Variants in NTRK2 observed in about 807,000 individuals in gnomAD.
NTRK2 encodes BDNF/NT-3 growth factors receptor.
Under a neutral mutation model 94.5 loss-of-function variants are expected in NTRK2, and 13 were observed. That is an observed-to-expected ratio of 0.14 (90% CI 0.09 to 0.22). NTRK2 has a LOEUF of 0.22. Among genes scored for constraint, NTRK2 ranks in the 10% least tolerant of loss-of-function variants. The pLI, the probability that NTRK2 is intolerant of heterozygous loss-of-function variation, is 1.00. For synonymous variants in NTRK2, 372 were observed against 407.4 expected (o/e 0.91, Z 1.05); for missense variants, 639 against 1,071.2 (o/e 0.60, Z 5.63).
rs2076507201 is a variant in NTRK2, at chr9:84,888,979, GA to G, written c.1633+21551del. On this transcript the variant is annotated intron_variant, in intron 14 of 18. Transcript: ENST00000277120. ...CTTTCCCCATTATTTATTAATGACA[GA>G]AATTTTTTTTTTTTTTTTTTTTTTT... Among the ~76,000 whole-genome samples, 11 of 90,954 alleles carry G rather than the reference GA, an allele frequency of 1.2e-4. 3 individuals are homozygous for G. The highest frequency in any genetic ancestry group is 3.3e-4 in the East Asian group (1 of 3,060). 59.7% of individuals were successfully genotyped at this position (90,954 alleles called of 152,430 possible). A position where few individuals can be genotyped will look rare whatever the true frequency, so the allele number is the denominator to read the frequency against.
At chr9:84,872,522 T>C (rs2132120228) in intron 14 of NTRK2, 1 of 1,066,426 alleles carries the variant, frequency 9.4e-7, no homozygotes, top group Admixed American at 5.2e-5. Flanking sequence ...TACCTGGATG[T>C]GTTTGTACTT....
intron 12 of NTRK2, among the ~76,000 whole-genome samples, chr9:84,856,499 C>T (rs2075070712): frequency 6.6e-6 from 1 of 152,106 alleles, no homozygotes; most frequent in South Asian, 2.1e-4. Flanking sequence ...TTTTCTCACT[C>T]CAATGAGCAG....
At chr9:84,850,423 A>C (rs1413740628) in intron 12 of NTRK2, among the ~76,000 whole-genome samples, 2 of 152,228 alleles carry the variant, frequency 1.3e-5, no homozygotes, top group African/African-American at 4.8e-5. Flanking sequence ...TATGCAAACT[A>C]ATAGTTTAAC....
intron 4 of NTRK2, 48 bp downstream of exon 4, chr9:84,702,467 T>A: frequency 6.8e-7 from 1 of 1,460,518 alleles, no homozygotes; most frequent in South Asian, 1.1e-5. Flanking sequence ...TTTTATTCAA[T>A]ATTTCCCCCC....
At chr9:84,912,907 C>G (rs1271509832) in intron 14 of NTRK2, among the ~76,000 whole-genome samples, 2 of 152,138 alleles carry the variant, frequency 1.3e-5, no homozygotes, top group African/African-American at 4.8e-5. Context: ...TGAGCCACTG[C>G]ACCCGGCCTA....
chr9:84,881,669 T>C lies in NTRK2; in HGVS notation c.1633+14238T>C, dbSNP rs1042442420. Among the ~76,000 whole-genome samples the C allele has an allele frequency of 3.2e-4, 49 of 152,224 alleles. 1 individual carries two copies. Among genetic ancestry groups the C allele is most frequent in the Non-Finnish European group, 4.0e-4 (27 of 68,036 alleles). On this transcript the variant is annotated intron_variant, in intron 14 of 18. Coordinates refer to ENST00000277120, the MANE Select transcript of NTRK2 (RefSeq NM_006180.6). ...TCTCTACTTCATTGAGCTTCAGGCA[T>C]CTCTAGTATTTGCCTATGATTCTGG...
intron 17 of NTRK2, among the ~76,000 whole-genome samples, chr9:84,997,462 A>G (rs140782533): frequency 1.3e-3 from 197 of 152,340 alleles, no homozygotes; most frequent in Admixed American, 3.5e-3. Flanking sequence ...TAGGAAGTCT[A>G]GAGGACTAGT....
chr9:84,909,564 T>A (rs1481068453), intron 14 of NTRK2, among the ~76,000 whole-genome samples: 1 of 152,092 alleles, frequency 6.6e-6, no homozygotes, highest in Non-Finnish European at 1.5e-5. Context: ...GTATGAGTGA[T>A]CCTGTTTCTC....
At chr9:84,945,572 A>G (rs528815024) in intron 15 of NTRK2, among the ~76,000 whole-genome samples, 1 of 152,256 alleles carries the variant, frequency 6.6e-6, no homozygotes, top group East Asian at 1.9e-4. Context: ...TAAGCACATC[A>G]CTTCTCCCTG....
At chr9:84,710,497 T>C (rs2061361220) in intron 5 of NTRK2, 140 bp from the exon 6 acceptor site, 6 of 821,088 alleles carry the variant, frequency 7.3e-6, no homozygotes, top group Non-Finnish European at 8.2e-6. Flanking sequence ...GAATAATAAG[T>C]ACTGTCATGC....
intron 5 of NTRK2, 123 bp downstream of exon 5, chr9:84,708,035 T>C: frequency 1.3e-6 from 1 of 783,022 alleles, no homozygotes; most frequent in Admixed American, 2.0e-5. Context: ...AAAAATGATT[T>C]CTCAAGTTTC....
chr9:84,839,742 T>G (rs1444563462), intron 12 of NTRK2, among the ~76,000 whole-genome samples: 1 of 152,242 alleles, frequency 6.6e-6, no homozygotes, highest in Non-Finnish European at 1.5e-5. Context: ...TCTGCTTTGC[T>G]GCCCGGGAGC....
intron 14 of NTRK2, among the ~76,000 whole-genome samples, chr9:84,901,332 C>T (rs1219904072): frequency 6.6e-6 from 1 of 151,930 alleles, no homozygotes; most frequent in East Asian, 1.9e-4. Flanking sequence ...AAGCAATTCT[C>T]CTGCCTCAGC....
chr9:84,870,320 GGT>G (rs369162349), intron 14 of NTRK2, among the ~76,000 whole-genome samples: 1 of 46,332 alleles, frequency 2.2e-5, no homozygotes, highest in Admixed American at 3.3e-4. Context: ...ATATATGTGG[GGT>G]GTGTGTGTGT....
chr9:85,014,892 C>G (rs1405324359), intron 17 of NTRK2, among the ~76,000 whole-genome samples: 1 of 152,126 alleles, frequency 6.6e-6, no homozygotes. Flanking sequence ...ATATTAAGGG[C>G]TAAAAGAACA....
At chr9:84,977,784 A>C (rs986588695) in intron 17 of NTRK2, among the ~76,000 whole-genome samples, 2 of 152,234 alleles carry the variant, frequency 1.3e-5, no homozygotes, top group African/African-American at 2.4e-5. Context: ...ACCAGGTATC[A>C]AGAAAGCCTA....
chr9:85,015,464 G>A (rs559968716), intron 17 of NTRK2, among the ~76,000 whole-genome samples: 2 of 152,288 alleles, frequency 1.3e-5, no homozygotes, highest in Admixed American at 1.3e-4. Context: ...AGAATGGACA[G>A]GAAGGTAGTG....
chr9:84,696,258 C>A (rs1278316986), intron 2 of NTRK2, among the ~76,000 whole-genome samples: 1 of 152,212 alleles, frequency 6.6e-6, no homozygotes, highest in Non-Finnish European at 1.5e-5. Flanking sequence ...CCTGCCTTGG[C>A]CTCCCAAAGT....
chr9:84,768,967 G>C (rs2066283299), intron 12 of NTRK2, among the ~76,000 whole-genome samples: 2 of 152,106 alleles, frequency 1.3e-5, no homozygotes, highest in South Asian at 2.1e-4. Flanking sequence ...AGGACAATCA[G>C]ATATGGAAGA....
Sources: gnomAD v4.1 joint callset for allele counts (sites outside exome capture counted in the v4.1 genomes callset) on GRCh38, gnomAD v4.1.1 for gene constraint, MANE v1.5 for transcripts, NCBI Gene and HGNC (gene_info 2026-07-23, HGNC 2026-07-21) for gene names.